Variants in NOVA1 observed in about 807,000 individuals in gnomAD.
NOVA1 encodes the protein RNA-binding protein Nova-1.
Under a neutral mutation model 38.0 loss-of-function variants are expected in NOVA1, and 7 were observed. The ratio of observed to expected loss-of-function variants is 0.18; its 90% CI spans 0.10 to 0.35. NOVA1 has a LOEUF of 0.35. Ranked by LOEUF, NOVA1 falls within the 10% of genes least tolerant of loss-of-function variation. The probability of loss-of-function intolerance (pLI) is 1.00; values close to 1 mark genes in which losing one functional copy is unlikely to be tolerated. For missense variants in NOVA1, 460 were observed against 616.0 expected, an observed-to-expected ratio of 0.75 and a Z score of 2.68; for synonymous variants, 270 against 232.5, an observed-to-expected ratio of 1.16 and a Z score of -1.47.
chr14:26,512,681 T>A (rs976871262), intron 2 of NOVA1, among the ~76,000 whole-genome samples: 7 of 152,128 alleles, frequency 4.6e-5, no homozygotes, highest in African/African-American at 1.7e-4. Context: ...TATGACATAA[T>A]AATAAATAAA....
intron 2 of NOVA1, among the ~76,000 whole-genome samples, chr14:26,508,999 T>A (rs1329375682): frequency 6.6e-6 from 1 of 152,042 alleles, no homozygotes; most frequent in African/African-American, 2.4e-5. Flanking sequence ...TAAAATTAAA[T>A]TGAATGTGGC....
intron 2 of NOVA1, among the ~76,000 whole-genome samples, chr14:26,484,322 G>T (rs1209751977): frequency 6.8e-6 from 1 of 147,978 alleles, no homozygotes; most frequent in Non-Finnish European, 1.5e-5. Flanking sequence ...TGTAGTCCCA[G>T]CTACTCAGGA....
chr14:26,570,570 T>C (rs1892410647), intron 2 of NOVA1, among the ~76,000 whole-genome samples: 1 of 152,134 alleles, frequency 6.6e-6, no homozygotes, highest in African/African-American at 2.4e-5. Flanking sequence ...TGTATGTGTA[T>C]ACATATGTGT....
intron 2 of NOVA1, among the ~76,000 whole-genome samples, chr14:26,554,384 A>G (rs867420337): frequency 2.0e-5 from 3 of 152,188 alleles, no homozygotes; most frequent in South Asian, 2.1e-4. Flanking sequence ...ATCATTCTCC[A>G]CTCACTGGAT....
chr14:26,506,828 C>T (rs1209405613), intron 2 of NOVA1, among the ~76,000 whole-genome samples: 1 of 152,142 alleles, frequency 6.6e-6, no homozygotes, highest in Non-Finnish European at 1.5e-5. Context: ...GATCCACCCG[C>T]CTCTGCCTCC....
At chr14:26,580,548 C>A (rs1345926006) in intron 2 of NOVA1, among the ~76,000 whole-genome samples, 1 of 151,946 alleles carries the variant, frequency 6.6e-6, no homozygotes, top group Non-Finnish European at 1.5e-5. Flanking sequence ...AACAAAAATA[C>A]CCACAAAGCT....
intron 2 of NOVA1, among the ~76,000 whole-genome samples, chr14:26,484,120 T>C (rs1274234433): frequency 2.0e-5 from 3 of 152,168 alleles, no homozygotes; most frequent in Non-Finnish European, 2.9e-5. Flanking sequence ...CTTGATACTG[T>C]TGATATAGAT....
chr14:26,538,060 A>C (rs557574368), intron 2 of NOVA1, among the ~76,000 whole-genome samples: 2,136 of 152,260 alleles, frequency 0.014, 52 homozygotes, highest in African/African-American at 0.049. Context: ...CATAAACGGC[A>C]GGGGGAAACT....
intron 2 of NOVA1, among the ~76,000 whole-genome samples, chr14:26,484,334 G>A (rs1213310959): frequency 6.7e-6 from 1 of 149,602 alleles, no homozygotes; most frequent in East Asian, 2.0e-4. Context: ...TACTCAGGAG[G>A]CTGAGGCAGG....
chr14:26,597,248 C>A, intron 1 of NOVA1, 53 bp downstream of exon 1: 2 of 655,880 alleles, frequency 3.0e-6, no homozygotes, highest in Non-Finnish European at 1.8e-6. Context: ...GGGAGGGAGG[C>A]AGGGGCGGGC....
chr14:26,573,804 TAAAC>T (rs1483603954), intron 2 of NOVA1, among the ~76,000 whole-genome samples: 1 of 151,880 alleles, frequency 6.6e-6, no homozygotes, highest in South Asian at 2.1e-4. Flanking sequence ...TAATCAGAAA[TAAAC>T]AAAAGGATAA....
chr14:26,596,848 G>A (rs1201723522), intron 1 of NOVA1: 11 of 1,110,292 alleles, frequency 9.9e-6, no homozygotes, highest in Non-Finnish European at 1.1e-5. Context: ...AAAACTCTCC[G>A]GCGCCCCAGT....
intron 2 of NOVA1, chr14:26,594,105 A>G (rs1442933740): frequency 6.6e-6 from 1 of 151,998 alleles, no homozygotes; most frequent in Non-Finnish European, 1.5e-5. Context: ...TTAATGCATA[A>G]GGAAAGTTTC....
chr14:26,557,189 A>G (rs1298350935), intron 2 of NOVA1, among the ~76,000 whole-genome samples: 2 of 152,172 alleles, frequency 1.3e-5, no homozygotes, highest in African/African-American at 4.8e-5. Flanking sequence ...GGGGTTTAAG[A>G]CTTTAACACA....
intron 4 of NOVA1, among the ~76,000 whole-genome samples, chr14:26,461,419 G>A (rs10133097): frequency 0.25 from 37,837 of 151,816 alleles, 5,553 homozygotes; most frequent in African/African-American, 0.4. Flanking sequence ...CATTACTGGT[G>A]TGCTGCTTTC....
At chr14:26,542,901 G>C (rs563850711) in intron 2 of NOVA1, among the ~76,000 whole-genome samples, 4 of 151,828 alleles carry the variant, frequency 2.6e-5, no homozygotes, top group Non-Finnish European at 5.9e-5. Context: ...GAAAAATAAA[G>C]AAGTCAAAGG....
intron 2 of NOVA1, among the ~76,000 whole-genome samples, chr14:26,517,987 G>A (rs1888593683): frequency 6.6e-6 from 1 of 152,068 alleles, no homozygotes; most frequent in African/African-American, 2.4e-5. Flanking sequence ...CTGATGAAAT[G>A]CAAACTACAA....
chr14:26,597,157 G>A lies in NOVA1; in HGVS notation c.136+144C>T, dbSNP rs530162745. 7,319 of 1,196,398 alleles carry A rather than the reference G, an allele frequency of 6.1e-3. 34 individuals carry two copies. The highest frequency in any genetic ancestry group is 6.6e-3 in the Non-Finnish European group (6,334 of 957,148). The allele number at this position is 1,196,398 out of a possible 1,614,324, so 74.1% of individuals were successfully genotyped here. The stretch of plus-strand genomic sequence containing the variant: ...GTGCAGGGGAGGGGGCGCGGGGCAG[G>A]GGCGCAGGGGCCGCCGGGTTCGGGC... On this transcript the variant is annotated intron_variant, in intron 1 of 4. Transcript: ENST00000539517.
chr14:26,512,184 A>G (rs1343963352), intron 2 of NOVA1, among the ~76,000 whole-genome samples: 6 of 152,224 alleles, frequency 3.9e-5, no homozygotes, highest in African/African-American at 1.4e-4. Flanking sequence ...CTATATATTT[A>G]TTCCTGAATT....
Sources: gnomAD v4.1 joint callset for allele counts (sites outside exome capture counted in the v4.1 genomes callset) on GRCh38, gnomAD v4.1.1 for gene constraint, MANE v1.5 for transcripts, NCBI Gene and HGNC (gene_info 2026-07-23, HGNC 2026-07-21) for gene names.